Variants in PRPSAP2 observed in about 807,000 individuals in gnomAD.
PRPSAP2 encodes phosphoribosyl pyrophosphate synthetase associated protein 2.
PRPSAP2 carries 24 observed loss-of-function variants against 40.6 expected under a neutral mutation model. The observed-to-expected ratio is 0.59, with a 90% CI of 0.43 to 0.83. The LOEUF is 0.83. Among genes scored for constraint, PRPSAP2 ranks in the 40% least tolerant of loss-of-function variants. The pLI, the probability that PRPSAP2 is intolerant of heterozygous loss-of-function variation, is 0.00. For synonymous variants in PRPSAP2, 149 were observed against 164.7 expected, an observed-to-expected ratio of 0.90 and a Z score of 0.73; for missense variants, 292 against 465.6, an observed-to-expected ratio of 0.63 and a Z score of 3.43.
chr17:18,903,455 T>G (rs1289972393), intron 8 of PRPSAP2, among the ~76,000 whole-genome samples: 2 of 151,914 alleles, frequency 1.3e-5, no homozygotes, highest in African/African-American at 4.8e-5. Context: ...GTGAGTGGGC[T>G]AGGCTCGATG....
chr17:18,883,312 G>A (rs2038892687), intron 7 of PRPSAP2, among the ~76,000 whole-genome samples: 1 of 151,454 alleles, frequency 6.6e-6, no homozygotes, highest in Non-Finnish European at 1.5e-5. Context: ...TTTGATATGA[G>A]TTAGCATTTT....
chr17:18,909,493 C>T (rs1172852690), intron 8 of PRPSAP2, among the ~76,000 whole-genome samples: 1 of 151,996 alleles, frequency 6.6e-6, no homozygotes, highest in African/African-American at 2.4e-5. Context: ...ATCCGCCCAC[C>T]TTGGCCTCCC....
intron 1 of PRPSAP2, among the ~76,000 whole-genome samples, chr17:18,862,434 T>C (rs1030216932): frequency 6.8e-6 from 1 of 146,628 alleles, no homozygotes; most frequent in Non-Finnish European, 1.5e-5. Context: ...AGCTTCTTAT[T>C]TGAAGGTTAG....
chr17:18,916,999 G>A (rs1474080204), intron 9 of PRPSAP2, among the ~76,000 whole-genome samples: 1 of 152,170 alleles, frequency 6.6e-6, no homozygotes, highest in African/African-American at 2.4e-5. Context: ...CACTCTCTTT[G>A]TCTATGCAAA....
intron 6 of PRPSAP2, among the ~76,000 whole-genome samples, chr17:18,879,401 C>T (rs2151905553): frequency 6.6e-6 from 1 of 152,324 alleles, no homozygotes; most frequent in South Asian, 2.1e-4. Context: ...TCTCCTGCCT[C>T]AGCCCCCAGA....
At chr17:18,924,674 C>T (rs553419070) in intron 10 of PRPSAP2, among the ~76,000 whole-genome samples, 9 of 149,126 alleles carry the variant, frequency 6.0e-5, no homozygotes, top group East Asian at 4.0e-4. Flanking sequence ...GAGGCTGAGG[C>T]GGGAGGATCA....
At chr17:18,856,661 G>T (rs1373582470), upstream of PRPSAP2, among the ~76,000 whole-genome samples, 4 of 152,138 alleles carry the variant, frequency 2.6e-5, no homozygotes, top group Non-Finnish European at 5.9e-5. Flanking sequence ...CCTCATTATT[G>T]TGAAAAATCC....
intron 8 of PRPSAP2, among the ~76,000 whole-genome samples, chr17:18,894,955 T>C (rs979210467): frequency 1.3e-5 from 2 of 152,210 alleles, no homozygotes; most frequent in African/African-American, 4.8e-5. Context: ...GTAGATCAGA[T>C]TGGGGAGAAC....
intron 5 of PRPSAP2, 109 bp downstream of exon 5, chr17:18,872,758 A>G (rs893167059): frequency 2.5e-6 from 2 of 793,308 alleles, no homozygotes; most frequent in South Asian, 2.1e-5. Flanking sequence ...TAAAATTAGT[A>G]TATCTTACCA....
chr17:18,874,807 C>A (rs911471383), intron 5 of PRPSAP2, among the ~76,000 whole-genome samples: 1 of 152,208 alleles, frequency 6.6e-6, no homozygotes, highest in Admixed American at 6.6e-5. Context: ...CCTTTACCTC[C>A]AGCATCGGGG....
At chr17:18,910,167 C>G (rs2040870867) in intron 8 of PRPSAP2, among the ~76,000 whole-genome samples, 1 of 151,808 alleles carries the variant, frequency 6.6e-6, no homozygotes, top group Non-Finnish European at 1.5e-5. Flanking sequence ...CACCTGTAAT[C>G]CCAGCACTTT....
At chr17:18,887,642 T>G (rs1291291669) in intron 7 of PRPSAP2, among the ~76,000 whole-genome samples, 1 of 152,212 alleles carries the variant, frequency 6.6e-6, no homozygotes, top group Admixed American at 6.5e-5. Flanking sequence ...TCTATAACTT[T>G]TAAAAACTTA....
intron 5 of PRPSAP2, among the ~76,000 whole-genome samples, chr17:18,876,045 A>G (rs973465512): frequency 6.6e-6 from 1 of 152,178 alleles, no homozygotes; most frequent in African/African-American, 2.4e-5. Context: ...AGACAGGAGA[A>G]TTGCTTGATC....
intron 8 of PRPSAP2, among the ~76,000 whole-genome samples, chr17:18,898,406 A>C (rs1277868577): frequency 1.3e-5 from 2 of 152,120 alleles, no homozygotes; most frequent in African/African-American, 4.8e-5. Flanking sequence ...GATATTCCAA[A>C]GTTTAGTTTA....
At chr17:18,923,235 G>A (rs924875276) in intron 9 of PRPSAP2, among the ~76,000 whole-genome samples, 11 of 146,590 alleles carry the variant, frequency 7.5e-5, no homozygotes, top group Admixed American at 2.7e-4. Context: ...GACTACAGGC[G>A]CCCACTAGCA....
At chr17:18,914,727 C>A (rs193121768) in intron 9 of PRPSAP2, among the ~76,000 whole-genome samples, 94 of 137,112 alleles carry the variant, frequency 6.9e-4, no homozygotes, top group Admixed American at 2.0e-3. Flanking sequence ...TATTTCACTG[C>A]CCTTTTTTTT....
chr17:18,860,952 C>T (rs2036962083), intron 1 of PRPSAP2, among the ~76,000 whole-genome samples: 1 of 152,044 alleles, frequency 6.6e-6, no homozygotes, highest in Admixed American at 6.6e-5. Flanking sequence ...CTCACACATT[C>T]TAGAGTAAAT....
chr17:18,878,841 G>T (rs1221099033), intron 6 of PRPSAP2, among the ~76,000 whole-genome samples: 1 of 151,844 alleles, frequency 6.6e-6, no homozygotes, highest in Non-Finnish European at 1.5e-5. Context: ...ACTGCACCCG[G>T]CCTATGATTT....
At chr17:18,898,209 G>T (rs1489209426) in intron 8 of PRPSAP2, among the ~76,000 whole-genome samples, 1 of 151,552 alleles carries the variant, frequency 6.6e-6, no homozygotes. Flanking sequence ...GTGTTGGCCA[G>T]GGTGGTCTCC....
Sources: allele counts gnomAD v4.1 joint callset (sites outside exome capture counted in the v4.1 genomes callset), GRCh38; gene constraint gnomAD v4.1.1; transcripts MANE v1.5; gene names NCBI Gene and HGNC (gene_info 2026-07-23, HGNC 2026-07-21).